UBE2H: variants seen among roughly 807,000 people sequenced by gnomAD.
The protein encoded by UBE2H is ubiquitin conjugating enzyme E2 H, also known as ubiquitin-conjugating enzyme E2 H.
UBE2H carries 3 observed loss-of-function variants against 29.0 expected under a neutral mutation model. The observed-to-expected ratio is 0.10, with a 90% CI of 0.05 to 0.27. The LOEUF (loss-of-function observed/expected upper bound fraction) is 0.27, where lower values mean the gene tolerates loss of function less well. Among genes scored for constraint, UBE2H ranks in the 10% least tolerant of loss-of-function variants. The pLI is 1.00. For missense variants in UBE2H, 68 were observed against 228.2 expected, an observed-to-expected ratio of 0.30 and a Z score of 4.52; for synonymous variants, 69 against 82.9, an observed-to-expected ratio of 0.83 and a Z score of 0.91.
At chr7:129,868,405 C>T (rs1361638271) in intron 3 of UBE2H, among the ~76,000 whole-genome samples, 7 of 148,730 alleles carry the variant, frequency 4.7e-5, no homozygotes, top group Non-Finnish European at 1.0e-4. Context: ...AAGGTGAAAC[C>T]CCGTCTCTAC....
chr7:129,890,341 A>C (rs936423157), intron 1 of UBE2H, among the ~76,000 whole-genome samples: 2 of 151,834 alleles, frequency 1.3e-5, no homozygotes, highest in African/African-American at 4.8e-5. Context: ...GTGTGTATAT[A>C]TATGTATGTA....
At chr7:129,848,447 G>A (rs893769433) in intron 5 of UBE2H, among the ~76,000 whole-genome samples, 6 of 152,164 alleles carry the variant, frequency 3.9e-5, no homozygotes, top group African/African-American at 1.4e-4. Context: ...TAAGGAACAG[G>A]GCTGACAGGA....
chr7:129,880,458 A>G (rs959566567), intron 2 of UBE2H, among the ~76,000 whole-genome samples: 3 of 152,346 alleles, frequency 2.0e-5, no homozygotes, highest in South Asian at 4.1e-4. Context: ...GTAAGCCACA[A>G]TCGTGCCACT....
intron 6 of UBE2H, among the ~76,000 whole-genome samples, chr7:129,835,834 CCACACAAAAACA>C (rs1275285458): frequency 6.6e-6 from 1 of 152,190 alleles, no homozygotes; most frequent in African/African-American, 2.4e-5. Context: ...AAAATGCAAG[CCACACAAAAACA>C]CACCCTTGTG....
chr7:129,874,490 T>C (rs912068181), intron 3 of UBE2H, among the ~76,000 whole-genome samples: 3 of 152,154 alleles, frequency 2.0e-5, no homozygotes, highest in South Asian at 2.1e-4. Flanking sequence ...TTTGTATTTT[T>C]AGTAGAGACG....
At chr7:129,944,305 G>A (rs531194050) in intron 1 of UBE2H, among the ~76,000 whole-genome samples, 3 of 152,272 alleles carry the variant, frequency 2.0e-5, no homozygotes, top group Non-Finnish European at 2.9e-5. Context: ...GCAGTGAGCC[G>A]AGATCGCGCC....
chr7:129,943,506 G>T (rs138209401), intron 1 of UBE2H, among the ~76,000 whole-genome samples: 1 of 151,718 alleles, frequency 6.6e-6, no homozygotes, highest in Non-Finnish European at 1.5e-5. Context: ...TAGGCCAAGC[G>T]CCGGGAGGCA....
At position 129,857,248 on chromosome 7, in the gene UBE2H, C is replaced by T. The variant is rs112694516; in HGVS notation, c.298+263G>A. 1.8e-4 allele frequency: 86 copies of T among 470,348 alleles called. 1 individual carries two copies. Among genetic ancestry groups the T allele is most frequent in the African/African-American group, 1.5e-3 (75 of 49,964 alleles). The allele number at this position is 470,348 out of a possible 1,614,324, so 29.1% of individuals were successfully genotyped here. On this transcript the variant is annotated intron_variant, in intron 5 of 6. Coordinates refer to ENST00000355621, the MANE Select transcript of UBE2H (RefSeq NM_003344.4). Reference sequence around the variant, plus strand: ...GTTTGCACATGTATTCATGTGTGTGCGCATGTACTCATGTGTGTGCACATG... The same window carrying T: ...GTTTGCACATGTATTCATGTGTGTGTGCATGTACTCATGTGTGTGCACATG...
chr7:129,862,584 C>G (rs1805822483), intron 3 of UBE2H, among the ~76,000 whole-genome samples: 1 of 152,154 alleles, frequency 6.6e-6, no homozygotes, highest in East Asian at 1.9e-4. Flanking sequence ...AAGTGACTTG[C>G]TTTGAAGGAG....
At chr7:129,917,071 G>A (rs1401395933) in intron 1 of UBE2H, among the ~76,000 whole-genome samples, 9 of 151,886 alleles carry the variant, frequency 5.9e-5, no homozygotes, top group South Asian at 2.1e-4. Flanking sequence ...TGGGCATGGT[G>A]GCAGGTGCCT....
chr7:129,925,362 T>C (rs555783045), intron 1 of UBE2H, among the ~76,000 whole-genome samples: 2 of 151,180 alleles, frequency 1.3e-5, no homozygotes, highest in South Asian at 2.1e-4. Context: ...AAAAAAGATA[T>C]TCATAAACAA....
At chr7:129,871,906 G>C (rs1406912515) in intron 3 of UBE2H, among the ~76,000 whole-genome samples, 1 of 152,050 alleles carries the variant, frequency 6.6e-6, no homozygotes, top group Non-Finnish European at 1.5e-5. Context: ...GAGTGTAGCA[G>C]CGCCATCTCA....
chr7:129,880,175 T>C (rs1806225262), intron 2 of UBE2H, among the ~76,000 whole-genome samples: 1 of 151,822 alleles, frequency 6.6e-6, no homozygotes, highest in Non-Finnish European at 1.5e-5. Context: ...ATCCAAACAA[T>C]AATAAATAAC....
chr7:129,885,183 G>A (rs1478463655), intron 1 of UBE2H, among the ~76,000 whole-genome samples: 1 of 152,126 alleles, frequency 6.6e-6, no homozygotes, highest in African/African-American at 2.4e-5. Flanking sequence ...TGGGTATCCA[G>A]AAGAAGTCAA....
intron 5 of UBE2H, among the ~76,000 whole-genome samples, chr7:129,841,571 C>A (rs1177993484): frequency 6.6e-6 from 1 of 152,150 alleles, no homozygotes; most frequent in African/African-American, 2.4e-5. Context: ...CCACACATGG[C>A]TAGTAGATCC....
At chr7:129,870,835 C>G (rs1342595697) in intron 3 of UBE2H, among the ~76,000 whole-genome samples, 1 of 151,812 alleles carries the variant, frequency 6.6e-6, no homozygotes, top group Non-Finnish European at 1.5e-5. Context: ...TCTGTGAACT[C>G]AACCCTGCCT....
At chr7:129,918,186 T>A (rs1258451636) in intron 1 of UBE2H, among the ~76,000 whole-genome samples, 1 of 152,176 alleles carries the variant, frequency 6.6e-6, no homozygotes, top group Non-Finnish European at 1.5e-5. Flanking sequence ...CAATCTCTCA[T>A]ATCATCACCT....
At chr7:129,904,152 G>A (rs1026123319) in intron 1 of UBE2H, among the ~76,000 whole-genome samples, 1 of 152,152 alleles carries the variant, frequency 6.6e-6, no homozygotes, top group Non-Finnish European at 1.5e-5. Flanking sequence ...AGATACACTG[G>A]TCTTCTTTCA....
At chr7:129,848,712 G>A (rs1222135373) in intron 5 of UBE2H, among the ~76,000 whole-genome samples, 1 of 152,178 alleles carries the variant, frequency 6.6e-6, no homozygotes, top group Non-Finnish European at 1.5e-5. Context: ...GTCATGAACT[G>A]CCACGCAAGT....
Sources: gnomAD v4.1 joint callset for allele counts (sites outside exome capture counted in the v4.1 genomes callset) on GRCh38, gnomAD v4.1.1 for gene constraint, MANE v1.5 for transcripts, NCBI Gene and HGNC (gene_info 2026-07-23, HGNC 2026-07-21) for gene names.